The following PCDH15 variants were observed in gnomAD, a reference collection of about 807,000 sequenced individuals.
PCDH15 encodes protocadherin related 15.
PCDH15 carries 129 observed loss-of-function variants against 178.5 expected under a neutral mutation model. The ratio of observed to expected loss-of-function variants is 0.72; its 90% confidence interval spans 0.63 to 0.84. The LOEUF is 0.84. Ranked by LOEUF, PCDH15 falls within the 40% of genes least tolerant of loss-of-function variation. The pLI is 0.00. For synonymous variants in PCDH15, 800 were observed against 732.0 expected, an observed-to-expected ratio of 1.09 and a Z score of -1.50; for missense variants, 2,230 against 2,099.9, an observed-to-expected ratio of 1.06 and a Z score of -1.21.
intron 8 of PCDH15, among the ~76,000 whole-genome samples, chr10:54,284,225 A>AT (rs776052814): frequency 6.6e-6 from 1 of 152,220 alleles, no homozygotes; most frequent in Non-Finnish European, 1.5e-5. Flanking sequence ...TAAGGAGTGG[A>AT]TGTAGGTATG....
In PCDH15 at chr10:53,903,236, C is replaced by A. The variant is rs756402556; in HGVS notation, c.3501+7G>T. The A allele has an allele frequency of 1.1e-5, 17 of 1,612,024 alleles. No individual in the cohort carries two copies. The highest frequency in any genetic ancestry group is 6.7e-5 in the Admixed American group (4 of 59,962). ...TTAGTTCTGTATATTAACATAATTC[C>A]GCATACCTTCACTCTGAGTACAGAA... is the stretch of plus-strand genomic sequence containing the variant. On this transcript the variant is annotated splice_region_variant and intron_variant, in intron 26 of 37. Coordinates refer to ENST00000644397, the MANE Select transcript of PCDH15 (RefSeq NM_001384140.1).
chr10:54,827,086 G>A (rs147243997), intron 3 of PCDH15, among the ~76,000 whole-genome samples: 3 of 152,196 alleles, frequency 2.0e-5, no homozygotes, highest in African/African-American at 7.2e-5. Flanking sequence ...ATGTGTTGTA[G>A]GGAATGGAGG....
At chr10:55,244,009 A>G (rs895988201) in intron 1 of PCDH15, among the ~76,000 whole-genome samples, 1 of 152,048 alleles carries the variant, frequency 6.6e-6, no homozygotes, top group African/African-American at 2.4e-5. Context: ...TATATTATAT[A>G]AAATCATAAT....
At chr10:53,821,104 G>T (rs935649913) in intron 32 of PCDH15, 6 of 979,272 alleles carry the variant, frequency 6.1e-6, no homozygotes, top group Middle Eastern at 5.2e-4. Flanking sequence ...AAAAGTCAAC[G>T]ACTCAAGATT....
chr10:55,019,212 CTTACA>C (rs145479228), intron 2 of PCDH15, among the ~76,000 whole-genome samples: 54,235 of 151,502 alleles, frequency 0.36, 11,469 homozygotes, highest in Non-Finnish European at 0.49. Context: ...TTCCACTGAA[CTTACA>C]TTACATCAAG....
chr10:55,276,871 G>A (rs1446196201), intron 1 of PCDH15, among the ~76,000 whole-genome samples: 3 of 151,226 alleles, frequency 2.0e-5, no homozygotes, highest in African/African-American at 7.4e-5. Context: ...GATTGGGAAG[G>A]TCCTAGGTTC....
At chr10:54,028,905 A>G (rs1033454735) in intron 18 of PCDH15, among the ~76,000 whole-genome samples, 1 of 150,378 alleles carries the variant, frequency 6.6e-6, no homozygotes, top group Non-Finnish European at 1.5e-5. Flanking sequence ...AACCTGCACA[A>G]TGTGCACATG....
chr10:55,325,839 G>A (rs569602038), intron 2 of PCDH15, among the ~76,000 whole-genome samples: 1 of 152,138 alleles, frequency 6.6e-6, no homozygotes, highest in East Asian at 1.9e-4. Context: ...TGCAAACTAT[G>A]TTGTCTGATA....
At chr10:55,025,345 C>T (rs1198069141) in intron 2 of PCDH15, among the ~76,000 whole-genome samples, 13 of 152,038 alleles carry the variant, frequency 8.6e-5, no homozygotes, top group Non-Finnish European at 1.8e-4. Context: ...TCCTATTTTC[C>T]ATAATTTCTC....
At chr10:53,823,242 GA>G in intron 32 of PCDH15, 1 of 1,614,040 alleles carries the variant, frequency 6.2e-7, no homozygotes, top group Non-Finnish European at 8.5e-7. Context: ...TACATGAGCT[GA>G]CTTGTGAGCC....
At chr10:54,066,932 T>C in intron 17 of PCDH15, 47 bp from the exon 18 acceptor site, 1 of 1,591,740 alleles carries the variant, frequency 6.3e-7, no homozygotes, top group South Asian at 1.1e-5. Context: ...CTATTTTTAC[T>C]TAGAATTCAT....
intron 1 of PCDH15, among the ~76,000 whole-genome samples, chr10:55,197,872 T>A (rs1477121742): frequency 1.3e-5 from 2 of 152,160 alleles, no homozygotes; most frequent in African/African-American, 4.8e-5. Context: ...ATATCAATGT[T>A]TCATAATTCT....
At chr10:55,419,089 A>C (rs1838555708) in intron 2 of PCDH15, among the ~76,000 whole-genome samples, 1 of 151,728 alleles carries the variant, frequency 6.6e-6, no homozygotes, top group Non-Finnish European at 1.5e-5. Context: ...TTGTAAATTG[A>C]AGCCCAGCAT....
chr10:54,496,975 G>A (rs1156538512), intron 3 of PCDH15, among the ~76,000 whole-genome samples: 2 of 152,080 alleles, frequency 1.3e-5, no homozygotes, highest in East Asian at 3.9e-4. Context: ...ACGCCTCACT[G>A]CAGTGCACTC....
At chr10:55,185,358 A>T (rs1839765578) in intron 1 of PCDH15, among the ~76,000 whole-genome samples, 2 of 151,848 alleles carry the variant, frequency 1.3e-5, no homozygotes, top group South Asian at 4.1e-4. Flanking sequence ...TTAAAATGTT[A>T]TTGAAACTTT....
intron 8 of PCDH15, among the ~76,000 whole-genome samples, chr10:54,261,035 T>C (rs1446793601): frequency 6.6e-6 from 1 of 152,212 alleles, no homozygotes; most frequent in Non-Finnish European, 1.5e-5. Flanking sequence ...TTTATATTTC[T>C]GCACATATTT....
chr10:53,881,165 C>T (rs1225882643), intron 26 of PCDH15, among the ~76,000 whole-genome samples: 1 of 152,120 alleles, frequency 6.6e-6, no homozygotes, highest in East Asian at 1.9e-4. Flanking sequence ...AATAGTCTTG[C>T]TGCATGCAGC....
At chr10:54,551,620 T>C (rs1412973322) in intron 2 of PCDH15, among the ~76,000 whole-genome samples, 1 of 152,128 alleles carries the variant, frequency 6.6e-6, no homozygotes, top group Non-Finnish European at 1.5e-5. Flanking sequence ...ACATACCCTT[T>C]TCTCTTGAAA....
chr10:55,503,923 T>C (rs1290567792), intron 2 of PCDH15, among the ~76,000 whole-genome samples: 12 of 151,404 alleles, frequency 7.9e-5, no homozygotes, highest in Non-Finnish European at 1.8e-4. Context: ...AAGAAGCCAA[T>C]CTGAGAAGGC....
Sources: allele counts gnomAD v4.1 joint callset (sites outside exome capture counted in the v4.1 genomes callset), GRCh38; gene constraint gnomAD v4.1.1; transcripts MANE v1.5; gene names NCBI Gene and HGNC (gene_info 2026-07-23, HGNC 2026-07-21).